The following UGGT2 variants were observed in gnomAD, a reference collection of about 807,000 sequenced individuals.
UGGT2 encodes the protein UDP-glucose glycoprotein glucosyltransferase 2.
A neutral mutation model predicts 192.1 loss-of-function variants in UGGT2; 180 were observed. That is an observed-to-expected ratio of 0.94 (90% CI 0.83 to 1.06). UGGT2 has a LOEUF of 1.06. Ranked by LOEUF, UGGT2 falls within the 50% of genes least tolerant of loss-of-function variation. The pLI is 0.00. For synonymous variants in UGGT2, 580 were observed against 591.0 expected, an observed-to-expected ratio of 0.98 and a Z score of 0.27; for missense variants, 1,849 against 1,795.7, an observed-to-expected ratio of 1.03 and a Z score of -0.54.
At chr13:95,909,396 T>A (rs1299824562) in intron 20 of UGGT2, among the ~76,000 whole-genome samples, 1 of 151,568 alleles carries the variant, frequency 6.6e-6, no homozygotes, top group Admixed American at 6.6e-5. Flanking sequence ...ATGTGGCACG[T>A]ATACACCATG....
intron 37 of UGGT2, among the ~76,000 whole-genome samples, chr13:95,836,430 T>A (rs1887297755): frequency 6.6e-6 from 1 of 152,194 alleles, no homozygotes; most frequent in Admixed American, 6.5e-5. Flanking sequence ...TAGAAAGACC[T>A]GCTTGTAAGT....
chr13:95,858,743 A>G (rs1042259322), intron 33 of UGGT2, among the ~76,000 whole-genome samples: 1 of 152,164 alleles, frequency 6.6e-6, no homozygotes, highest in Non-Finnish European at 1.5e-5. Context: ...TATTGAATCT[A>G]AAAGTGGTCT....
At chr13:95,909,799 T>TTAA (rs1295427536) in intron 20 of UGGT2, among the ~76,000 whole-genome samples, 3 of 76,180 alleles carry the variant, frequency 3.9e-5, no homozygotes, top group Non-Finnish European at 7.3e-5. Context: ...TCCTGCCCAC[T>TTAA]AAAAAAAAAA....
chr13:95,804,203 T>C (rs1420955261), intron 38 of UGGT2, among the ~76,000 whole-genome samples: 6 of 152,130 alleles, frequency 3.9e-5, no homozygotes, highest in African/African-American at 7.2e-5. Flanking sequence ...GACAATTCTA[T>C]TTACAGTAGC....
chr13:95,968,848 G>A lies in UGGT2; in HGVS notation c.1335+1264C>T, dbSNP rs190295768. On this transcript the variant is annotated intron_variant, in intron 12 of 38. Coordinates refer to ENST00000376747, the MANE Select transcript of UGGT2 (RefSeq NM_020121.4). The stretch of plus-strand genomic sequence containing the variant: ...GAAGAATCACATTATACACATATAC[G>A]TGTGTGTGTATGAAAGGGTTAACTC... Among the ~76,000 whole-genome samples, 160 of 152,024 alleles carry A rather than the reference G, an allele frequency of 1.1e-3. 1 individual carries two copies. Among genetic ancestry groups the A allele is most frequent in the Admixed American group, 4.1e-3 (62 of 15,280 alleles).
At chr13:96,031,463 C>T (rs143567475) in intron 2 of UGGT2, among the ~76,000 whole-genome samples, 123 of 152,214 alleles carry the variant, frequency 8.1e-4, no homozygotes, top group African/African-American at 2.7e-3. Flanking sequence ...AACACCACAC[C>T]TGGCCAATTT....
At position 95,884,598 on chromosome 13, in the gene UGGT2, C is replaced by T. The variant is rs1301387477; in HGVS notation, c.3121G>A (p.Asp1041Asn). ...SSLGPVAKFL[D>N]IPESPLLILN... ...ATTAGGAGGGGTGATTCAGGAATAT[C>T]CAAAAATTTTGCCACTGGTCCAAGA... Residue 1041 changes from aspartate (D) to asparagine (N), a missense_variant, in exon 27 of 39, where the codon GAT becomes AAT. Transcript: ENST00000376747. The T allele has an allele frequency of 2.5e-6, 4 of 1,613,942 alleles. No homozygotes were observed. In the South Asian group the frequency reaches 3.3e-5, roughly 13 times the overall value.
Position 95,939,975 on chromosome 13 carries a change from T to C in UGGT2, c.1794A>G (p.Lys598=). ...AACTTACCTTTCTTTCTTCATCATA[T>C]TTAGAATGAATTCCCAAAATATCCC... ...NIWDILGIHS[K]YDEERKAGAS... The change falls in exon 16 of 39, where the codon AAA becomes AAG. Residue 598 remains lysine (K), a synonymous_variant. Coordinates refer to ENST00000376747, the MANE Select transcript of UGGT2 (RefSeq NM_020121.4). 6.2e-7 allele frequency: 1 copy of C among 1,600,556 alleles called. No homozygotes were observed. The highest frequency in any genetic ancestry group is 8.5e-7 in the Non-Finnish European group (1 of 1,175,136).
chr13:95,982,598 G>A (rs1177160673), intron 10 of UGGT2, among the ~76,000 whole-genome samples: 1 of 152,054 alleles, frequency 6.6e-6, no homozygotes, highest in African/African-American at 2.4e-5. Context: ...AAAATCCAGT[G>A]CACTCTGTAG....
At chr13:95,822,155 T>C (rs1392770604) in intron 38 of UGGT2, among the ~76,000 whole-genome samples, 1 of 152,168 alleles carries the variant, frequency 6.6e-6, no homozygotes, top group Non-Finnish European at 1.5e-5. Context: ...CATTGGGCAG[T>C]ATGGTCATTT....
rs553822832 is a variant in UGGT2, at chr13:95,803,001, T to G, written c.4529-1189A>C. 6.7e-5 allele frequency among the ~76,000 whole-genome samples: 10 copies of G among 150,288 alleles called. 1 individual carries two copies. The South Asian group carries it at 2.1e-3, about 32-fold the overall frequency. ...GGCGCCCGCCACCACGCCCGGCTAATTTTTTTGTATTTTTAGTAGAGACGG... is the reference window on the plus strand; with the variant it reads ...GGCGCCCGCCACCACGCCCGGCTAAGTTTTTTGTATTTTTAGTAGAGACGG... On this transcript the variant is annotated intron_variant, in intron 38 of 38. Transcript: ENST00000376747.
chr13:95,843,170 T>G (rs537089689), intron 36 of UGGT2, among the ~76,000 whole-genome samples: 34 of 152,356 alleles, frequency 2.2e-4, no homozygotes, highest in African/African-American at 7.9e-4. Context: ...CAGGTTTAAG[T>G]TAAACTGTAA....
At chr13:95,921,271 G>C (rs1037619518) in intron 20 of UGGT2, among the ~76,000 whole-genome samples, 1 of 149,480 alleles carries the variant, frequency 6.7e-6, no homozygotes, top group Non-Finnish European at 1.5e-5. Flanking sequence ...GCAATGGGAT[G>C]AACTGTGTAG....
chr13:95,896,248 T>C (rs954389153), intron 22 of UGGT2, among the ~76,000 whole-genome samples: 1 of 152,098 alleles, frequency 6.6e-6, no homozygotes, highest in Non-Finnish European at 1.5e-5. Flanking sequence ...TTTCTAAAAA[T>C]TACTGAAGCA....
intron 2 of UGGT2, among the ~76,000 whole-genome samples, chr13:96,030,320 T>C (rs768835371): frequency 2.0e-5 from 3 of 152,226 alleles, no homozygotes; most frequent in African/African-American, 4.8e-5. Flanking sequence ...TGTTTTGCTG[T>C]CTCCTTCATT....
At chr13:96,005,297 T>C (rs61973960) in intron 5 of UGGT2, among the ~76,000 whole-genome samples, 4,109 of 152,254 alleles carry the variant, frequency 0.027, 64 homozygotes, top group Non-Finnish European at 0.034. Context: ...TAAAGATATT[T>C]AGCTAGAAAT....
chr13:95,908,624 T>C (rs1310706720), intron 20 of UGGT2, among the ~76,000 whole-genome samples: 2 of 150,994 alleles, frequency 1.3e-5, no homozygotes, highest in African/African-American at 4.9e-5. Flanking sequence ...TCCTGACTTT[T>C]TAATGATCGC....
intron 38 of UGGT2, among the ~76,000 whole-genome samples, chr13:95,803,624 G>C (rs1423560645): frequency 6.6e-6 from 1 of 152,102 alleles, no homozygotes; most frequent in Non-Finnish European, 1.5e-5. Flanking sequence ...GGCTTTTGGG[G>C]TGGTGTACAG....
chr13:95,859,781 T>G, intron 32 of UGGT2, 106 bp from the exon 33 acceptor site: 1 of 831,258 alleles, frequency 1.2e-6, no homozygotes, highest in Non-Finnish European at 1.8e-6. Context: ...ATTTCTTAAA[T>G]TTTACTTTAA....
Sources: allele counts gnomAD v4.1 joint callset (sites outside exome capture counted in the v4.1 genomes callset), GRCh38; gene constraint gnomAD v4.1.1; transcripts MANE v1.5; gene names NCBI Gene and HGNC (gene_info 2026-07-23, HGNC 2026-07-21).